SCUBE1: variants seen among roughly 807,000 people sequenced by gnomAD.
SCUBE1 encodes signal peptide, CUB domain and EGF like domain containing 1.
SCUBE1 carries 59 observed loss-of-function variants against 124.4 expected under a neutral mutation model. That is an observed-to-expected ratio of 0.47 (90% CI 0.38 to 0.59). The LOEUF (loss-of-function observed/expected upper bound fraction) is 0.59, where lower values mean the gene tolerates loss of function less well. SCUBE1 is among the 20% of genes least tolerant of loss of function. The pLI is 0.00. For synonymous variants in SCUBE1, 545 were observed against 550.9 expected (o/e 0.99, Z 0.15); for missense variants, 1,150 against 1,371.2 (o/e 0.84, Z 2.55).
At chr22:43,218,520 A>G in intron 14 of SCUBE1, 62 bp from the exon 15 acceptor site, 1 of 1,559,378 alleles carries the variant, frequency 6.4e-7, no homozygotes, top group Non-Finnish European at 8.7e-7. Flanking sequence ...CTGCCTTCTT[A>G]GCTGAGGGCT....
At chr22:43,281,503 ACCT>A (rs200460133) in intron 4 of SCUBE1, among the ~76,000 whole-genome samples, 591 of 36,848 alleles carry the variant, frequency 0.016, 64 homozygotes, top group African/African-American at 0.074. Flanking sequence ...CCCTCCTGTC[ACCT>A]CCTCCTCAGC....
chr22:43,340,626 G>C (rs1235157458), intron 1 of SCUBE1, among the ~76,000 whole-genome samples: 1 of 346 alleles, frequency 2.9e-3, no homozygotes, highest in Non-Finnish European at 3.8e-3. Context: ...TCAGGTTATA[G>C]ATGAGGAAAT....
In SCUBE1 at chr22:43,289,832, C is replaced by T. The variant is rs556296758; in HGVS notation, c.484+1214G>A. On this transcript the variant is annotated intron_variant, in intron 4 of 21. Transcript: ENST00000360835. Reference sequence around the variant, plus strand: ...GGAGGAGCTGGATTCACACAGGGTCCGGCTGGCCTGGAGCCCAGTGCGTGC... The same window carrying T: ...GGAGGAGCTGGATTCACACAGGGTCTGGCTGGCCTGGAGCCCAGTGCGTGC... Among the ~76,000 whole-genome samples the T allele has an allele frequency of 3.3e-4, 50 of 152,340 alleles. No individual in the cohort carries two copies. The South Asian group carries it at 3.9e-3, about 12-fold the overall frequency.
At chr22:43,304,474 G>C (rs73886581) in intron 3 of SCUBE1, among the ~76,000 whole-genome samples, 7,716 of 152,256 alleles carry the variant, frequency 0.051, 562 homozygotes, top group African/African-American at 0.17. Context: ...GACAAGAAGA[G>C]TGTGCTGTGA....
chr22:43,317,092 C>T (rs1926374466), intron 3 of SCUBE1: 2 of 152,144 alleles, frequency 1.3e-5, no homozygotes, highest in East Asian at 3.9e-4. Flanking sequence ...TCCAGTGGTT[C>T]CACTTTTGTG....
chr22:43,220,274 T>C (rs1053835766), intron 14 of SCUBE1, among the ~76,000 whole-genome samples, 176 bp downstream of exon 14: 1 of 152,188 alleles, frequency 6.6e-6, no homozygotes, highest in Non-Finnish European at 1.5e-5. Context: ...CGTTGACCCC[T>C]GCCAGCTCCC....
At chr22:43,342,738 C>T (rs1022405228) in intron 1 of SCUBE1, among the ~76,000 whole-genome samples, 5 of 152,166 alleles carry the variant, frequency 3.3e-5, no homozygotes, top group African/African-American at 1.2e-4. Context: ...CCGCACCTCC[C>T]GCCCCGTCCC....
Position 43,211,520 on chromosome 22 carries a change from C to CTT in SCUBE1, c.2222-439_2222-438dup, listed in dbSNP as rs35852531. Among the ~76,000 whole-genome samples, 9,013 of 136,880 alleles carry CTT rather than the reference C, an allele frequency of 0.066. 632 individuals are homozygous for CTT. The highest frequency in any genetic ancestry group is 0.16 in the African/African-American group (5,701 of 36,304). The allele number at this position is 136,880 out of a possible 152,430, so 89.8% of individuals were successfully genotyped here. A position where few individuals can be genotyped will look rare whatever the true frequency, so the allele number is the denominator to read the frequency against. On this transcript the variant is annotated intron_variant, in intron 17 of 21. Transcript: ENST00000360835. This position sits in a 1 kb window ranked among gnomAD's most constrained non-coding sequence, Gnocchi z 4.5. ...GGCGGGGGGCTAGAGATGGGCAATTCTTTTTTTTTTTTTTTGAGATGGAGC... is the reference window on the plus strand; with the variant it reads ...GGCGGGGGGCTAGAGATGGGCAATTCTTTTTTTTTTTTTTTTTGAGATGGAGC...
In SCUBE1 at chr22:43,320,024, C is replaced by A; in HGVS notation, c.262G>T (p.Val88Phe). 6.2e-7 allele frequency: 1 copy of A among 1,614,134 alleles called. No homozygotes were observed. Among genetic ancestry groups the A allele is most frequent in the Non-Finnish European group, 8.5e-7 (1 of 1,179,988 alleles). The change falls in exon 3 of 22, where the codon GTC (valine) becomes TTC (phenylalanine). Residue 88 changes from valine (V) to phenylalanine (F), a missense_variant. Around this residue, in one of 3 missense-constraint regions of SCUBE1, gnomAD observed 337 missense variants for 482.1 expected, o/e 0.70. Transcript: ENST00000360835. The part of the protein sequence containing the change: ...CENDYYNGGC[V>F]HECINIPGNY... ...CCCGGGATGTTGATGCACTCGTGGA[C>A]ACAGCCCCCATTGTAGTAGTCATTC...
intron 12 of SCUBE1, among the ~76,000 whole-genome samples, chr22:43,221,932 T>G (rs961973038): frequency 1.3e-5 from 2 of 152,072 alleles, no homozygotes; most frequent in Admixed American, 6.5e-5. Context: ...GGTGTGGTGA[T>G]GGGCACCTGT....
At position 43,211,111 on chromosome 22, in the gene SCUBE1, G is replaced by T; in HGVS notation, c.2222-28C>A. 2 of 1,583,882 alleles carry T rather than the reference G, an allele frequency of 1.3e-6. No individual in the cohort carries two copies. The highest frequency in any genetic ancestry group is 2.3e-5 in the East Asian group (1 of 43,592). On this transcript the variant is annotated intron_variant, in intron 17 of 21. Coordinates refer to ENST00000360835, the MANE Select transcript of SCUBE1 (RefSeq NM_173050.5). This position sits in a 1 kb window ranked among gnomAD's most constrained non-coding sequence, Gnocchi z 4.5. ...GCCGGGGGACACAAGGCAGTGTGGTGGGTGTGGAGGGGTGCAGGGAAAGGG... is the reference window on the plus strand; with the variant it reads ...GCCGGGGGACACAAGGCAGTGTGGTTGGTGTGGAGGGGTGCAGGGAAAGGG...
intron 7 of SCUBE1, 106 bp from the exon 8 acceptor site, chr22:43,231,981 G>T: frequency 7.1e-7 from 1 of 1,400,208 alleles, no homozygotes; most frequent in East Asian, 2.4e-5. Context: ...GCCCTGAGTT[G>T]CCTGGTGCCC....
At chr22:43,246,903 T>G (rs4822267) in intron 6 of SCUBE1, among the ~76,000 whole-genome samples, 10,616 of 142,186 alleles carry the variant, frequency 0.075, 498 homozygotes, top group Admixed American at 0.16. Context: ...AGCTGGCACC[T>G]GGAGCCTGTG....
At chr22:43,252,719 T>C (rs1445504672) in intron 6 of SCUBE1, among the ~76,000 whole-genome samples, 1 of 152,224 alleles carries the variant, frequency 6.6e-6, no homozygotes, top group African/African-American at 2.4e-5. Context: ...GACCCAGTTC[T>C]GAGCCCCTCA....
chr22:43,212,553 T>C lies in SCUBE1; in HGVS notation c.2093A>G (p.Lys698Arg), dbSNP rs1198353331. The C allele has an allele frequency of 1.3e-6, 2 of 1,565,772 alleles. No homozygotes were observed. Among genetic ancestry groups the C allele is most frequent in the Non-Finnish European group, 1.7e-6 (2 of 1,156,282 alleles). Residue 698 changes from lysine (K) to arginine (R), a missense_variant, in exon 17 of 22, where the codon AAG becomes AGG. Physicochemically the swap from Lys to Arg is conservative, Grantham distance 26. This residue lies in a region of SCUBE1 where 757 missense variants were observed against 840.9 expected (regional missense o/e 0.90). Coordinates refer to ENST00000360835, the MANE Select transcript of SCUBE1 (RefSeq NM_173050.5). ...SPGFFSADGF[K>R]PCQACPVGTY... ...GCCCACGGGGCAGGCCTGGCAGGGC[T>C]TGAAGCCATCGGCCGAGAAGAAGCC...
At chr22:43,300,049 C>T (rs1179593217) in intron 3 of SCUBE1, among the ~76,000 whole-genome samples, 2 of 152,218 alleles carry the variant, frequency 1.3e-5, no homozygotes, top group Non-Finnish European at 2.9e-5. Context: ...CCGGGTTGTG[C>T]TGGCTTTGTG....
chr22:43,258,739 G>A lies in SCUBE1; in HGVS notation c.611-404C>T, dbSNP rs936681719. On this transcript the variant is annotated intron_variant, in intron 5 of 21. Coordinates refer to ENST00000360835, the MANE Select transcript of SCUBE1 (RefSeq NM_173050.5). This position sits in a 1 kb window ranked among gnomAD's most constrained non-coding sequence, Gnocchi z 5.0. ...ACATACTTGTCAAGCTGTCGGGGGA[G>A]GGACATGGCGGCCCGTGGTTCCAGG... Among the ~76,000 whole-genome samples, 26 of 152,184 alleles carry A rather than the reference G, an allele frequency of 1.7e-4. No homozygotes were observed. Among genetic ancestry groups the A allele is most frequent in the African/African-American group, 6.3e-4 (26 of 41,434 alleles).
In SCUBE1 at chr22:43,339,677, C is replaced by T. The variant is rs868517071; in HGVS notation, c.89-442G>A. The stretch of plus-strand genomic sequence containing the variant: ...CTCCAGCCCTCCCCCATTCTCCTCA[C>T]TCTATCCCCCCACAAGCATTGCTCC... On this transcript the variant is annotated intron_variant, in intron 1 of 21. Transcript: ENST00000360835. Among the ~76,000 whole-genome samples the T allele has an allele frequency of 7.6e-3, 381 of 50,208 alleles. 10 individuals carry two copies. The highest frequency in any genetic ancestry group is 0.031 in the East Asian group (67 of 2,132). 32.9% of individuals were successfully genotyped at this position (50,208 alleles called of 152,430 possible). A position where few individuals can be genotyped will look rare whatever the true frequency, so the allele number is the denominator to read the frequency against.
rs756681130 is a variant in SCUBE1, at chr22:43,227,364, G to A, written c.1207+10C>T. The A allele has an allele frequency of 1.2e-5, 20 of 1,606,310 alleles. No homozygotes were observed. The highest frequency in any genetic ancestry group is 1.7e-4 in the Middle Eastern group (1 of 6,056). On this transcript the variant is annotated intron_variant, in intron 10 of 21. Transcript: ENST00000360835. The stretch of plus-strand genomic sequence containing the variant: ...AGGGGAGGGGCCAGCAGCACAGGGC[G>A]GCCACCTACCCACGCAATCCTTCCC...
Sources: allele counts gnomAD v4.1 joint callset (sites outside exome capture counted in the v4.1 genomes callset), GRCh38; gene constraint gnomAD v4.1.1; regional missense constraint gnomAD v4.1.1; non-coding constraint Gnocchi (gnomAD v3.1); transcripts MANE v1.5; gene names NCBI Gene and HGNC (gene_info 2026-07-23, HGNC 2026-07-21).